The following EPHB2 variants were observed in gnomAD, a reference collection of about 807,000 sequenced individuals.
The protein encoded by EPHB2 is EPH receptor B2, also known as ephrin type-B receptor 2.
In EPHB2, 18 loss-of-function variants were observed where a neutral mutation model predicts 96.4. The ratio of observed to expected loss-of-function variants is 0.19; its 90% CI spans 0.13 to 0.28. EPHB2 has a LOEUF of 0.28. EPHB2 is among the 10% of genes least tolerant of loss of function. EPHB2 has a pLI of 1.00. For missense variants in EPHB2, 989 were observed against 1,355.4 expected, an observed-to-expected ratio of 0.73 and a Z score of 4.25; for synonymous variants, 506 against 534.1, an observed-to-expected ratio of 0.95 and a Z score of 0.72.
intron 9 of EPHB2, among the ~76,000 whole-genome samples, chr1:22,900,286 T>C (rs1639709240): frequency 6.6e-6 from 1 of 152,006 alleles, no homozygotes; most frequent in Admixed American, 6.6e-5. Flanking sequence ...AGAGCAAGAC[T>C]CCTCAAACAA....
At chr1:22,812,413 A>G (rs989393962) in intron 3 of EPHB2, among the ~76,000 whole-genome samples, 4 of 152,194 alleles carry the variant, frequency 2.6e-5, no homozygotes, top group African/African-American at 9.7e-5. Context: ...ATTAATAAGA[A>G]ACGGATGAAG....
intron 3 of EPHB2, among the ~76,000 whole-genome samples, chr1:22,851,653 T>TA (rs151014171): frequency 0.025 from 3,821 of 152,322 alleles, 134 homozygotes; most frequent in African/African-American, 0.086. Flanking sequence ...CAGAAGATCG[T>TA]GAAGATTCTG....
intron 1 of EPHB2, among the ~76,000 whole-genome samples, chr1:22,760,472 C>T (rs529037279): frequency 1.3e-5 from 2 of 152,328 alleles, no homozygotes; most frequent in South Asian, 4.1e-4. Context: ...CTAAAAGCAC[C>T]TCCTGCCCCA....
intron 3 of EPHB2, among the ~76,000 whole-genome samples, chr1:22,847,129 C>T (rs556362370): frequency 6.6e-6 from 1 of 152,320 alleles, no homozygotes; most frequent in East Asian, 1.9e-4. Flanking sequence ...ATCAATAGTA[C>T]TCATGGGGTT....
chr1:22,815,572 A>G (rs12079256), intron 3 of EPHB2, among the ~76,000 whole-genome samples: 1 of 152,244 alleles, frequency 6.6e-6, no homozygotes, highest in Admixed American at 6.5e-5. Flanking sequence ...TGAGCCCTGC[A>G]TTGGCCCCAG....
At chr1:22,897,501 C>G (rs1639604598) in intron 9 of EPHB2, among the ~76,000 whole-genome samples, 1 of 152,080 alleles carries the variant, frequency 6.6e-6, no homozygotes, top group African/African-American at 2.4e-5. Context: ...AGCACCTGGT[C>G]ATAAGGCCAG....
At chr1:22,819,205 G>GTCTCTCTCTCTCTC (rs71020453) in intron 3 of EPHB2, among the ~76,000 whole-genome samples, 2,195 of 103,412 alleles carry the variant, frequency 0.021, 216 homozygotes, top group East Asian at 0.028. Flanking sequence ...CCCAGCAGAT[G>GTCTCTCTCTCTCTC]TCTCTCTCTC....
At chr1:22,775,848 A>T (rs1644443889) in intron 1 of EPHB2, among the ~76,000 whole-genome samples, 1 of 152,230 alleles carries the variant, frequency 6.6e-6, no homozygotes, top group Admixed American at 6.5e-5. Context: ...CCTGGATGCT[A>T]AGAATCTGTG....
chr1:22,718,945 G>C (rs185818497), intron 1 of EPHB2, among the ~76,000 whole-genome samples: 3 of 152,222 alleles, frequency 2.0e-5, no homozygotes, highest in African/African-American at 7.2e-5. Context: ...GAAAGGCTTG[G>C]CTCTGATGAG....
intron 3 of EPHB2, among the ~76,000 whole-genome samples, chr1:22,849,724 G>A (rs1645596644): frequency 6.6e-6 from 1 of 152,170 alleles, no homozygotes; most frequent in Non-Finnish European, 1.5e-5. Context: ...CACAGGAAGT[G>A]GGAGAAAATT....
At chr1:22,857,390 A>G (rs766262018) in intron 3 of EPHB2, among the ~76,000 whole-genome samples, 7 of 152,088 alleles carry the variant, frequency 4.6e-5, no homozygotes, top group Admixed American at 4.6e-4. Flanking sequence ...GGGCACACAC[A>G]TCAGACTCAC....
intron 1 of EPHB2, among the ~76,000 whole-genome samples, chr1:22,756,189 CACTTTCT>C (rs1391715774): frequency 6.6e-6 from 1 of 152,126 alleles, no homozygotes; most frequent in Non-Finnish European, 1.5e-5. Flanking sequence ...AAGAAGCTTG[CACTTTCT>C]CCCACAGGCC....
chr1:22,763,916 T>TG (rs1264935758), intron 1 of EPHB2, among the ~76,000 whole-genome samples: 1 of 152,124 alleles, frequency 6.6e-6, no homozygotes, highest in Non-Finnish European at 1.5e-5. Flanking sequence ...CCCCAAAGTG[T>TG]GTCATTCCCA....
chr1:22,790,442 CAGA>C lies in EPHB2; in HGVS notation c.811+5369_811+5371del. 6.6e-6 allele frequency among the ~76,000 whole-genome samples: 1 copy of C among 152,244 alleles called. No individual in the cohort carries two copies. The highest frequency in any genetic ancestry group is 1.9e-4 in the East Asian group (1 of 5,156). ...CTGCCAGCAGGTCTGCTGGGAGTGG[CAGA>C]AGGTGTCCCTGGAATGCCTTCTTTG... On this transcript the variant is annotated intron_variant, in intron 3 of 15. Coordinates refer to ENST00000374630, the MANE Select transcript of EPHB2 (RefSeq NM_017449.5). The surrounding 1 kb of genome is among the most constrained non-coding windows in gnomAD (Gnocchi z 4.0).
Position 22,791,476 on chromosome 1 carries a change from T to C in EPHB2, c.811+6400T>C, listed in dbSNP as rs866945016. 8.1e-4 allele frequency among the ~76,000 whole-genome samples: 121 copies of C among 148,772 alleles called. 1 individual carries two copies. Among genetic ancestry groups the C allele is most frequent in the South Asian group, 7.9e-3 (37 of 4,678 alleles). On this transcript the variant is annotated intron_variant, in intron 3 of 15. Transcript: ENST00000374630. ...CTTTCTTTCTTTCTTTCTTTCTTTT[T>C]TTTTTTTTTTTTTTCCTTTCAGAGA...
At position 22,764,760 on chromosome 1, in the gene EPHB2, G is replaced by A. The variant is rs111369871; in HGVS notation, c.62-16661G>A. On this transcript the variant is annotated intron_variant, in intron 1 of 15. Coordinates refer to ENST00000374630, the MANE Select transcript of EPHB2 (RefSeq NM_017449.5). ...AAAAAAAAAAATCTAAATGACTGCT[G>A]AGGCCACTCTCTCAGACCCTGGGAT... Among the ~76,000 whole-genome samples the A allele has an allele frequency of 1.5e-3, 226 of 152,092 alleles. 1 individual carries two copies. Among genetic ancestry groups the A allele is most frequent in the African/African-American group, 5.1e-3 (212 of 41,486 alleles).
At chr1:22,772,816 T>TG (rs1644398230) in intron 1 of EPHB2, among the ~76,000 whole-genome samples, 4 of 152,196 alleles carry the variant, frequency 2.6e-5, no homozygotes, top group Admixed American at 2.6e-4. Flanking sequence ...TGCAGAGGGT[T>TG]TAGCTCAGAG....
chr1:22,725,806 C>G (rs374675267), intron 1 of EPHB2, among the ~76,000 whole-genome samples: 2 of 152,194 alleles, frequency 1.3e-5, no homozygotes, highest in African/African-American at 4.8e-5. Context: ...TCAGCTGCCC[C>G]GAGCTTCTAC....
chr1:22,801,789 C>T (rs546602611), intron 3 of EPHB2, among the ~76,000 whole-genome samples: 26 of 152,362 alleles, frequency 1.7e-4, no homozygotes, highest in Admixed American at 5.2e-4. Flanking sequence ...CCCGCCCCCT[C>T]GTGCTGCAGT....
Sources: allele counts gnomAD v4.1 joint callset (sites outside exome capture counted in the v4.1 genomes callset), GRCh38; gene constraint gnomAD v4.1.1; non-coding constraint Gnocchi (gnomAD v3.1); transcripts MANE v1.5; gene names NCBI Gene and HGNC (gene_info 2026-07-23, HGNC 2026-07-21).